Variants in THSD7B observed in about 807,000 individuals in gnomAD.
THSD7B encodes thrombospondin type 1 domain containing 7B.
Under a neutral mutation model 213.6 loss-of-function variants are expected in THSD7B, and 138 were observed. That is an observed-to-expected ratio of 0.65 (90% CI 0.56 to 0.74). THSD7B has a LOEUF of 0.74. THSD7B is among the 30% of genes least tolerant of loss of function. THSD7B has a pLI of 0.00. For missense variants in THSD7B, 1,931 were observed against 1,991.5 expected, an observed-to-expected ratio of 0.97 and a Z score of 0.58; for synonymous variants, 742 against 687.0, an observed-to-expected ratio of 1.08 and a Z score of -1.25.
intron 2 of THSD7B, among the ~76,000 whole-genome samples, chr2:137,023,410 G>T (rs538053200): frequency 6.6e-6 from 1 of 152,156 alleles, no homozygotes; most frequent in South Asian, 2.1e-4. Context: ...GCCCTGTAGC[G>T]GATAACCTGT....
chr2:136,805,617 G>T (rs897472232), intron 1 of THSD7B, among the ~76,000 whole-genome samples: 1 of 151,950 alleles, frequency 6.6e-6, no homozygotes, highest in African/African-American at 2.4e-5. Context: ...CCCGCTGTGA[G>T]CTCCAGGAAG....
At chr2:137,363,830 A>G (rs1302372307) in intron 12 of THSD7B, among the ~76,000 whole-genome samples, 1 of 152,220 alleles carries the variant, frequency 6.6e-6, no homozygotes, top group Non-Finnish European at 1.5e-5. Context: ...AGCTGGTACC[A>G]TTCTTTCTGA....
At chr2:137,364,483 T>G (rs967985523) in intron 12 of THSD7B, among the ~76,000 whole-genome samples, 48 of 152,346 alleles carry the variant, frequency 3.2e-4, no homozygotes, top group Non-Finnish European at 4.3e-4. Flanking sequence ...CATGATTGTA[T>G]ATTTAGAAAA....
chr2:137,629,068 AAC>A (rs1472261843), intron 20 of THSD7B, among the ~76,000 whole-genome samples: 1 of 152,132 alleles, frequency 6.6e-6, no homozygotes, highest in African/African-American at 2.4e-5. Flanking sequence ...TCACAGTTGA[AAC>A]ACAGTTATTG....
chr2:137,636,880 G>T (rs13399910), intron 20 of THSD7B, among the ~76,000 whole-genome samples: 44,232 of 151,998 alleles, frequency 0.29, 6,955 homozygotes, highest in African/African-American at 0.39. Context: ...TAGATATGAG[G>T]TCTTGCTATG....
chr2:137,433,453 TTTA>T (rs1687227948), intron 14 of THSD7B, among the ~76,000 whole-genome samples: 1 of 151,650 alleles, frequency 6.6e-6, no homozygotes, highest in Non-Finnish European at 1.5e-5. Context: ...ACCTCCTGGG[TTTA>T]AGTGATTCTC....
intron 7 of THSD7B, among the ~76,000 whole-genome samples, chr2:137,198,427 T>C (rs1172864390): frequency 6.6e-6 from 1 of 152,106 alleles, no homozygotes; most frequent in Non-Finnish European, 1.5e-5. Flanking sequence ...GGAGAGTAAA[T>C]GGAAAAACGC....
chr2:137,562,722 G>T (rs925690249), intron 15 of THSD7B, among the ~76,000 whole-genome samples: 1 of 151,784 alleles, frequency 6.6e-6, no homozygotes, highest in Non-Finnish European at 1.5e-5. Flanking sequence ...TTGCCTGTTA[G>T]CATTGATCAT....
chr2:137,188,080 C>T (rs1466861034), intron 7 of THSD7B, among the ~76,000 whole-genome samples: 1 of 152,148 alleles, frequency 6.6e-6, no homozygotes, highest in African/African-American at 2.4e-5. Flanking sequence ...ATGGTAGGTA[C>T]TCGATATTTA....
rs188854939 is a variant in THSD7B at position 137,272,424 on chromosome 2, C to T, written c.2267-109C>T. On this transcript the variant is annotated intron_variant, in intron 10 of 27. Transcript: ENST00000409968. ...TTATTTTCGTTCCCAGGTTGACTTT[C>T]CACATGTGCTTACTTTATCTCTCTC... is the stretch of plus-strand genomic sequence containing the variant. 12 of 1,159,286 alleles carry T rather than the reference C, an allele frequency of 1.0e-5. 1 individual carries two copies. The highest frequency in any genetic ancestry group is 9.4e-5 in the African/African-American group (6 of 63,636). 71.8% of individuals were successfully genotyped at this position (1,159,286 alleles called of 1,614,324 possible).
chr2:137,605,382 G>C (rs2104827329), intron 17 of THSD7B, among the ~76,000 whole-genome samples: 1 of 152,246 alleles, frequency 6.6e-6, no homozygotes, highest in Non-Finnish European at 1.5e-5. Context: ...AGGCCAGTGT[G>C]AGGATTAATA....
At chr2:137,112,066 T>C (rs775062860) in intron 4 of THSD7B, among the ~76,000 whole-genome samples, 1 of 152,138 alleles carries the variant, frequency 6.6e-6, no homozygotes, top group Non-Finnish European at 1.5e-5. Context: ...ACTATCGCTG[T>C]AACAACTTCT....
intron 12 of THSD7B, among the ~76,000 whole-genome samples, chr2:137,315,379 G>A (rs562485262): frequency 1.2e-4 from 19 of 152,200 alleles, no homozygotes; most frequent in East Asian, 7.8e-4. Context: ...TGCACAGTGC[G>A]CGCACCCACT....
intron 15 of THSD7B, among the ~76,000 whole-genome samples, chr2:137,558,002 G>T (rs1219188354): frequency 6.6e-6 from 1 of 152,092 alleles, no homozygotes; most frequent in Non-Finnish European, 1.5e-5. Context: ...ACCCTCCCAA[G>T]ACTAAACCAG....
chr2:137,525,567 A>G (rs759985648), intron 15 of THSD7B, among the ~76,000 whole-genome samples: 4 of 152,192 alleles, frequency 2.6e-5, no homozygotes, highest in Non-Finnish European at 5.9e-5. Flanking sequence ...TATGGAGCTT[A>G]AGTAGTGTTT....
At chr2:137,625,085 T>A (rs568199083) in intron 20 of THSD7B, among the ~76,000 whole-genome samples, 58 of 152,098 alleles carry the variant, frequency 3.8e-4, no homozygotes, top group South Asian at 1.5e-3. Flanking sequence ...CAAATGTCCA[T>A]CAATGATAGA....
intron 15 of THSD7B, among the ~76,000 whole-genome samples, chr2:137,514,952 G>A (rs138437308): frequency 7.9e-5 from 12 of 152,238 alleles, no homozygotes; most frequent in Admixed American, 3.9e-4. Flanking sequence ...TCTAACTCCC[G>A]GCTTCAGAAG....
At chr2:137,282,308 T>C (rs1683043029) in intron 12 of THSD7B, among the ~76,000 whole-genome samples, 1 of 152,144 alleles carries the variant, frequency 6.6e-6, no homozygotes, top group Non-Finnish European at 1.5e-5. Context: ...ATATTAGCCC[T>C]TTGTCAGATG....
intron 1 of THSD7B, among the ~76,000 whole-genome samples, chr2:136,789,577 T>C (rs1268769462): frequency 6.6e-6 from 1 of 152,108 alleles, no homozygotes; most frequent in Non-Finnish European, 1.5e-5. Context: ...TGTCAGACAC[T>C]GTACCAAGCT....
Sources: gnomAD v4.1 joint callset for allele counts (sites outside exome capture counted in the v4.1 genomes callset) on GRCh38, gnomAD v4.1.1 for gene constraint, MANE v1.5 for transcripts, NCBI Gene and HGNC (gene_info 2026-07-23, HGNC 2026-07-21) for gene names.